BBX: variants seen among roughly 807,000 people sequenced by gnomAD.
BBX encodes the protein HMG box transcription factor BBX.
A neutral mutation model predicts 100.2 loss-of-function variants in BBX; 30 were observed. The observed-to-expected ratio is 0.30, with a 90% CI of 0.22 to 0.41. The LOEUF (loss-of-function observed/expected upper bound fraction) is 0.41, where lower values mean the gene tolerates loss of function less well. Ranked by LOEUF, BBX falls within the 10% of genes least tolerant of loss-of-function variation. The pLI, the probability that BBX is intolerant of heterozygous loss-of-function variation, is 1.00. For missense variants in BBX, 1,023 were observed against 1,129.8 expected, an observed-to-expected ratio of 0.91 and a Z score of 1.35; for synonymous variants, 376 against 388.1, an observed-to-expected ratio of 0.97 and a Z score of 0.37.
chr3:107,750,448 T>A (rs928382853), intron 9 of BBX, among the ~76,000 whole-genome samples: 3 of 152,362 alleles, frequency 2.0e-5, no homozygotes, highest in South Asian at 2.1e-4. Flanking sequence ...CTACAAGATA[T>A]AACTTTTCCT....
chr3:107,582,570 G>T (rs753391027), intron 2 of BBX, among the ~76,000 whole-genome samples: 14 of 151,886 alleles, frequency 9.2e-5, no homozygotes, highest in Non-Finnish European at 2.1e-4. Flanking sequence ...TAGTTTGCTT[G>T]TTCGTTTTTA....
intron 8 of BBX, among the ~76,000 whole-genome samples, chr3:107,745,501 A>G (rs114124578): frequency 5.3e-5 from 8 of 152,070 alleles, no homozygotes; most frequent in Non-Finnish European, 1.5e-5. Flanking sequence ...TCAATCTGTC[A>G]TCCAGGCTAG....
rs2057488831 is a variant in BBX at position 107,645,924 on chromosome 3, G to C, written c.-10+15G>C. The C allele has an allele frequency of 6.6e-6, 1 of 152,582 alleles. No individual in the cohort carries two copies. Among genetic ancestry groups the C allele is most frequent in the African/African-American group, 2.4e-5 (1 of 41,436 alleles). 9.5% of individuals were successfully genotyped at this position (152,582 alleles called of 1,614,324 possible). A position where few individuals can be genotyped will look rare whatever the true frequency, so the allele number is the denominator to read the frequency against. The stretch of plus-strand genomic sequence containing the variant: ...TGACTTGACTGGTAAGAGCTGTTGT[G>C]AAGGTACATCTTACTTACTTACCTG... On this transcript the variant is annotated intron_variant, in intron 3 of 17. Transcript: ENST00000325805.
chr3:107,634,274 C>A (rs777728642), intron 2 of BBX, among the ~76,000 whole-genome samples: 1 of 152,178 alleles, frequency 6.6e-6, no homozygotes, highest in Non-Finnish European at 1.5e-5. Flanking sequence ...GCATTGAGTT[C>A]TCATGCTAGA....
At chr3:107,647,788 A>G (rs2057607950) in intron 3 of BBX, among the ~76,000 whole-genome samples, 1 of 152,114 alleles carries the variant, frequency 6.6e-6, no homozygotes, top group Non-Finnish European at 1.5e-5. Context: ...ATTTATGTTC[A>G]TGTCCCTGAT....
intron 2 of BBX, among the ~76,000 whole-genome samples, chr3:107,633,683 G>A (rs867408383): frequency 2.0e-5 from 3 of 152,190 alleles, no homozygotes; most frequent in South Asian, 4.1e-4. Context: ...TTTTTAGACA[G>A]ATCTGATGGT....
intron 2 of BBX, among the ~76,000 whole-genome samples, chr3:107,568,513 C>A (rs1268232121): frequency 2.0e-5 from 3 of 152,116 alleles, no homozygotes; most frequent in Non-Finnish European, 2.9e-5. Flanking sequence ...ATCCCCTCGG[C>A]CTCCCAAAGT....
intron 2 of BBX, among the ~76,000 whole-genome samples, chr3:107,604,803 ACC>A (rs1422696014): frequency 6.6e-6 from 1 of 151,074 alleles, no homozygotes; most frequent in Non-Finnish European, 1.5e-5. Context: ...TAAGAGGAAA[ACC>A]CAGTGGATAA....
intron 3 of BBX, among the ~76,000 whole-genome samples, chr3:107,687,254 C>T (rs1194671981): frequency 6.6e-6 from 1 of 151,560 alleles, no homozygotes; most frequent in Non-Finnish European, 1.5e-5. Context: ...TTTGCATAAA[C>T]TGGGAAAAAC....
intron 15 of BBX, among the ~76,000 whole-genome samples, chr3:107,796,939 T>C (rs2069740073): frequency 6.6e-6 from 1 of 152,100 alleles, no homozygotes; most frequent in African/African-American, 2.4e-5. Context: ...TGCCAAGTAG[T>C]TTTTTAAAAC....
chr3:107,668,135 T>C (rs2058843596), intron 3 of BBX, among the ~76,000 whole-genome samples: 1 of 152,186 alleles, frequency 6.6e-6, no homozygotes, highest in South Asian at 2.1e-4. Flanking sequence ...ATTGGGACCC[T>C]TCTAGGAAGC....
At chr3:107,751,201 G>A (rs2065050541) in intron 9 of BBX, among the ~76,000 whole-genome samples, 1 of 152,156 alleles carries the variant, frequency 6.6e-6, no homozygotes. Flanking sequence ...GAAAATTACT[G>A]AGTGGAAAGC....
At chr3:107,596,562 C>T (rs2053681030) in intron 2 of BBX, among the ~76,000 whole-genome samples, 1 of 152,090 alleles carries the variant, frequency 6.6e-6, no homozygotes. Context: ...CATGAGATTC[C>T]ACACCTTGCA....
At chr3:107,544,279 G>A (rs1187610273) in intron 2 of BBX, among the ~76,000 whole-genome samples, 1 of 152,174 alleles carries the variant, frequency 6.6e-6, no homozygotes, top group African/African-American at 2.4e-5. Flanking sequence ...ATTTCTAAGT[G>A]TTGGAAAATT....
intron 2 of BBX, among the ~76,000 whole-genome samples, chr3:107,562,376 A>G (rs1234193646): frequency 6.6e-6 from 1 of 152,212 alleles, no homozygotes; most frequent in Non-Finnish European, 1.5e-5. Flanking sequence ...TCTTAAAAGA[A>G]TAATAGTTCT....
At chr3:107,626,357 T>G (rs1398888076) in intron 2 of BBX, among the ~76,000 whole-genome samples, 1 of 152,234 alleles carries the variant, frequency 6.6e-6, no homozygotes, top group Admixed American at 6.5e-5. Flanking sequence ...AGTTGTAGTA[T>G]CAATCTGTAT....
chr3:107,545,057 A>T (rs999733785), intron 2 of BBX, among the ~76,000 whole-genome samples: 19 of 152,026 alleles, frequency 1.2e-4, no homozygotes, highest in Non-Finnish European at 1.9e-4. Context: ...AAATTAAGAG[A>T]ATACATTATA....
chr3:107,659,646 A>C, intron 3 of BBX: 105 of 1,012,008 alleles, frequency 1.0e-4, no homozygotes, highest in Non-Finnish European at 1.3e-4. Context: ...CTGGAATTCA[A>C]ACTCAGGCTG....
chr3:107,705,681 T>C (rs1447002782), intron 3 of BBX, among the ~76,000 whole-genome samples: 1 of 152,204 alleles, frequency 6.6e-6, no homozygotes, highest in Admixed American at 6.5e-5. Flanking sequence ...ATCCCATGCT[T>C]CCCAGTCTAA....
Sources: allele counts gnomAD v4.1 joint callset (sites outside exome capture counted in the v4.1 genomes callset), GRCh38; gene constraint gnomAD v4.1.1; transcripts MANE v1.5; gene names NCBI Gene and HGNC (gene_info 2026-07-23, HGNC 2026-07-21).